GPR39: variants seen among roughly 807,000 people sequenced by gnomAD.
The protein encoded by GPR39 is G protein-coupled receptor 39.
Under a neutral mutation model 18.4 loss-of-function variants are expected in GPR39, and 23 were observed. The observed-to-expected ratio is 1.25, with a 90% CI of 0.90 to 1.77. The LOEUF (loss-of-function observed/expected upper bound fraction) is 1.77, where lower values mean the gene tolerates loss of function less well. Among genes scored for constraint, GPR39 ranks in the 40% most tolerant of loss-of-function variants. The pLI, the probability that GPR39 is intolerant of heterozygous loss-of-function variation, is 0.00. For missense variants in GPR39, 647 were observed against 602.4 expected (o/e 1.07, Z -0.78); for synonymous variants, 280 against 257.9 (o/e 1.09, Z -0.82).
intron 1 of GPR39, among the ~76,000 whole-genome samples, chr2:132,539,237 A>G (rs1221487308): frequency 4.6e-5 from 7 of 152,138 alleles, no homozygotes; most frequent in Non-Finnish European, 7.4e-5. Flanking sequence ...AATCCATGAG[A>G]AAAGTATAGT....
At chr2:132,552,412 C>T (rs2104795833) in intron 1 of GPR39, among the ~76,000 whole-genome samples, 1 of 152,160 alleles carries the variant, frequency 6.6e-6, no homozygotes. Context: ...ATGCCTGTTC[C>T]ACCTTCTCCT....
chr2:132,477,372 G>C (rs1405132864), intron 1 of GPR39, among the ~76,000 whole-genome samples: 1 of 152,094 alleles, frequency 6.6e-6, no homozygotes, highest in Non-Finnish European at 1.5e-5. Flanking sequence ...AACAGGGCCA[G>C]CCTGAGCAAC....
intron 1 of GPR39, among the ~76,000 whole-genome samples, chr2:132,419,280 G>T (rs1558793281): frequency 6.6e-6 from 1 of 152,200 alleles, no homozygotes. Flanking sequence ...GCTGTGCCAG[G>T]TGACTGATAT....
chr2:132,594,734 G>A (rs918143778), intron 1 of GPR39, among the ~76,000 whole-genome samples: 4 of 151,894 alleles, frequency 2.6e-5, no homozygotes, highest in Admixed American at 2.6e-4. Flanking sequence ...AGACAGAATA[G>A]AAAGGTGGCT....
At chr2:132,636,678 C>G (rs983841594) in intron 1 of GPR39, among the ~76,000 whole-genome samples, 2 of 152,218 alleles carry the variant, frequency 1.3e-5, no homozygotes, top group African/African-American at 4.8e-5. Context: ...AGACTAAACT[C>G]TGAGGTCTTT....
intron 1 of GPR39, among the ~76,000 whole-genome samples, chr2:132,595,672 G>A (rs1290889935): frequency 6.6e-6 from 1 of 152,098 alleles, no homozygotes; most frequent in Admixed American, 6.5e-5. Context: ...AACTTGTTCA[G>A]TATCCAGAAG....
At chr2:132,441,476 T>C (rs1361757059) in intron 1 of GPR39, among the ~76,000 whole-genome samples, 1 of 152,124 alleles carries the variant, frequency 6.6e-6, no homozygotes. Context: ...AGATAAAACT[T>C]TGAATCCCCT....
intron 1 of GPR39, among the ~76,000 whole-genome samples, chr2:132,565,175 C>T (rs3115019): frequency 0.63 from 95,067 of 151,184 alleles, 31,484 homozygotes; most frequent in East Asian, 0.92. Flanking sequence ...AGTGGCGTGA[C>T]GATTAGCCGG....
At chr2:132,644,828 T>C (rs1681964652) in intron 1 of GPR39, 1 of 408,152 alleles carries the variant, frequency 2.5e-6, no homozygotes, top group African/African-American at 2.1e-5. Context: ...TTTTTTAAAA[T>C]TAACAGACAT....
At chr2:132,628,764 CGT>C (rs138130883) in intron 1 of GPR39, among the ~76,000 whole-genome samples, 6 of 151,268 alleles carry the variant, frequency 4.0e-5, no homozygotes, top group South Asian at 2.1e-4. Flanking sequence ...CATAGTAATA[CGT>C]GTGTGTGTGT....
intron 1 of GPR39, among the ~76,000 whole-genome samples, chr2:132,482,277 AT>A (rs1380177715): frequency 6.6e-6 from 1 of 151,998 alleles, no homozygotes; most frequent in Non-Finnish European, 1.5e-5. Flanking sequence ...GGACCTGAGG[AT>A]TTTTTATTCA....
intron 1 of GPR39, among the ~76,000 whole-genome samples, chr2:132,439,323 A>C (rs1283373744): frequency 6.6e-6 from 1 of 152,216 alleles, no homozygotes; most frequent in Non-Finnish European, 1.5e-5. Flanking sequence ...TGTGCAGCTC[A>C]AAATAAAGGT....
chr2:132,477,825 CT>C (rs1681157320), intron 1 of GPR39, among the ~76,000 whole-genome samples: 1 of 152,180 alleles, frequency 6.6e-6, no homozygotes, highest in African/African-American at 2.4e-5. Context: ...TTGCCTTTCT[CT>C]TTTCATCTTC....
rs965299619 is a variant in GPR39 at position 132,528,953 on chromosome 2, C to T, written c.856+111055C>T. Among the ~76,000 whole-genome samples, 3 of 152,068 alleles carry T rather than the reference C, an allele frequency of 2.0e-5. No homozygotes were observed. The South Asian group carries it at 6.2e-4, about 32-fold the overall frequency. ...CTCCCAGCATGAGCGATGCAGAAGA[C>T]AGGTGATTTCTGCATTTCCAACTGA... On this transcript the variant is annotated intron_variant, in intron 1 of 1. Transcript: ENST00000329321.
At chr2:132,644,948 G>T in intron 1 of GPR39, 153 bp from the exon 2 acceptor site, 2 of 795,326 alleles carry the variant, frequency 2.5e-6, no homozygotes, top group Non-Finnish European at 3.9e-6. Flanking sequence ...GGCAAAAGAA[G>T]CTGTCAAGTC....
rs150214019 is a variant in GPR39, at chr2:132,430,908, A to G, written c.856+13010A>G. 5.0e-4 allele frequency among the ~76,000 whole-genome samples: 76 copies of G among 152,178 alleles called. No homozygotes were observed. In the East Asian group the frequency reaches 0.014, roughly 28 times the overall value. Reference sequence around the variant, plus strand: ...TCCATGCAGACTTTCCCCAGATTCTATTCTCTCTTATATCCCTGGACTTCC... The same window carrying G: ...TCCATGCAGACTTTCCCCAGATTCTGTTCTCTCTTATATCCCTGGACTTCC... On this transcript the variant is annotated intron_variant, in intron 1 of 1. Coordinates refer to ENST00000329321, the MANE Select transcript of GPR39 (RefSeq NM_001508.3).
At chr2:132,596,314 G>A (rs1294801402) in intron 1 of GPR39, among the ~76,000 whole-genome samples, 1 of 151,826 alleles carries the variant, frequency 6.6e-6, no homozygotes, top group Non-Finnish European at 1.5e-5. Flanking sequence ...CATGTCTAGG[G>A]GCTTTGTTTT....
Position 132,645,200 on chromosome 2 carries a change from T to G in GPR39, c.956T>G (p.Phe319Cys). 1 of 1,614,196 alleles carries G rather than the reference T, an allele frequency of 6.2e-7. No homozygotes were observed. Residue 319 changes from phenylalanine (F) to cysteine (C), a missense_variant, in exon 2 of 2, where the codon TTC becomes TGC. Transcript: ENST00000329321. ...AAGCACGACTGGACGAGGTCCTACTTCCGGGCGTACATGATCCTCCTCCCC... is the reference window on the plus strand; with the variant it reads ...AAGCACGACTGGACGAGGTCCTACTGCCGGGCGTACATGATCCTCCTCCCC... ...KPKHDWTRSYFRAYMILLPFS... is the reference protein window; with the variant it reads ...KPKHDWTRSYCRAYMILLPFS...
At chr2:132,507,281 T>TG (rs559062853) in intron 1 of GPR39, among the ~76,000 whole-genome samples, 3 of 152,176 alleles carry the variant, frequency 2.0e-5, no homozygotes, top group East Asian at 3.9e-4. Flanking sequence ...TATAAAAAGG[T>TG]GGGGCAAACT....
Sources: allele counts gnomAD v4.1 joint callset (sites outside exome capture counted in the v4.1 genomes callset), GRCh38; gene constraint gnomAD v4.1.1; transcripts MANE v1.5; gene names NCBI Gene and HGNC (gene_info 2026-07-23, HGNC 2026-07-21).